The following PHACTR2 variants were observed in gnomAD, a reference collection of about 807,000 sequenced individuals.
PHACTR2 encodes the protein phosphatase and actin regulator 2, also known as chromosome 6 open reading frame 56.
A neutral mutation model predicts 76.0 loss-of-function variants in PHACTR2; 30 were observed. That is an observed-to-expected ratio of 0.39 (90% confidence interval 0.30 to 0.54). The LOEUF (loss-of-function observed/expected upper bound fraction) is 0.54. Among genes scored for constraint, PHACTR2 ranks in the 20% least tolerant of loss-of-function variants. The probability of loss-of-function intolerance (pLI) is 0.61; values close to 1 mark genes in which losing one functional copy is unlikely to be tolerated. For synonymous variants in PHACTR2, 292 were observed against 292.5 expected, an observed-to-expected ratio of 1.00 and a Z score of 0.02; for missense variants, 696 against 781.1, an observed-to-expected ratio of 0.89 and a Z score of 1.30.
rs57738495 is a variant in PHACTR2, at chr6:143,703,156, T to TAAA, written c.47-8841_47-8839dup. On this transcript the variant is annotated intron_variant, in intron 1 of 12. Coordinates refer to ENST00000440869, the MANE Select transcript of PHACTR2 (RefSeq NM_001100164.2). ...AAACCCTGTCTCTACAAAAAATTAC[T>TAAA]AAAAAAAAAAAAAAAAAAAAAGAAC... Among the ~76,000 whole-genome samples, 316 of 91,072 alleles carry TAAA rather than the reference T, an allele frequency of 3.5e-3. 1 individual carries two copies. The highest frequency in any genetic ancestry group is 6.8e-3 in the South Asian group (18 of 2,658). 59.7% of individuals were successfully genotyped at this position (91,072 alleles called of 152,430 possible). A position where few individuals can be genotyped will look rare whatever the true frequency, so the allele number is the denominator to read the frequency against.
chr6:143,762,130 C>T (rs1779456796), intron 5 of PHACTR2, among the ~76,000 whole-genome samples: 1 of 152,156 alleles, frequency 6.6e-6, no homozygotes, highest in Non-Finnish European at 1.5e-5. Context: ...CCTAGAAGCA[C>T]TGCTTAAAGT....
rs1462187718 is a variant in PHACTR2, at chr6:143,678,891, C to A, written c.46+682C>A. The stretch of plus-strand genomic sequence containing the variant: ...AGTTTCTTTTTTCCATTTTCTTAAA[C>A]AAAAAGAGGGAAGGAAGGTACGTCT... On this transcript the variant is annotated intron_variant, in intron 1 of 12. Coordinates refer to ENST00000440869, the MANE Select transcript of PHACTR2 (RefSeq NM_001100164.2). The surrounding 1 kb of genome is among the most constrained non-coding windows in gnomAD (Gnocchi z 6.2). Among the ~76,000 whole-genome samples, 3 of 146,696 alleles carry A rather than the reference C, an allele frequency of 2.0e-5. No homozygotes were observed. Among genetic ancestry groups the A allele is most frequent in the Non-Finnish European group, 4.5e-5 (3 of 66,938 alleles).
rs1272880321 is a variant in PHACTR2, at chr6:143,570,839, G to A, written c.217+33632G>A. Among the ~76,000 whole-genome samples, 2 of 151,988 alleles carry A rather than the reference G, an allele frequency of 1.3e-5. No individual in the cohort carries two copies. The highest frequency in any genetic ancestry group is 2.4e-5 in the African/African-American group (1 of 41,360). ...GCCGCTTTATTGCAAATCCCTCCCC[G>A]GACTCCTCCTCTTCTTCCAAAATTC... On this transcript the variant is annotated intron_variant, in intron 1 of 11. Coordinates refer to the PHACTR2 transcript ENST00000367584. This position sits in a 1 kb window ranked among gnomAD's most constrained non-coding sequence, Gnocchi z 4.6.
At chr6:143,644,431 G>A (rs1776621141) in intron 1 of PHACTR2, among the ~76,000 whole-genome samples, 1 of 136,536 alleles carries the variant, frequency 7.3e-6, no homozygotes, top group Non-Finnish European at 1.5e-5. Flanking sequence ...TCGCACCACT[G>A]CACTGCAGCC....
chr6:143,606,587 G>T (rs1352127967), upstream of PHACTR2, among the ~76,000 whole-genome samples: 1 of 152,082 alleles, frequency 6.6e-6, no homozygotes, highest in Non-Finnish European at 1.5e-5. Context: ...CCACATCTCA[G>T]CTTTGATGAT....
chr6:143,579,482 C>T (rs1308079347), intron 1 of PHACTR2, among the ~76,000 whole-genome samples: 1 of 151,732 alleles, frequency 6.6e-6, no homozygotes, highest in Non-Finnish European at 1.5e-5. Context: ...AGCAAATTGC[C>T]CTATTATGTG....
rs532029797 is a variant in PHACTR2 at position 143,818,237 on chromosome 6, A to G, written c.1923-5437A>G. Among the ~76,000 whole-genome samples the G allele has an allele frequency of 1.3e-5, 2 of 152,310 alleles. No homozygotes were observed. The highest frequency in any genetic ancestry group is 4.1e-4 in the South Asian group (2 of 4,826). On this transcript the variant is annotated intron_variant, in intron 12 of 12. Transcript: ENST00000440869. This position sits in a 1 kb window ranked among gnomAD's most constrained non-coding sequence, Gnocchi z 4.9. Reference sequence around the variant, plus strand: ...CATGCTACCCAGAGAACACCAGAAAATCACCCCTTCAAATAGAAGTACAGA... The same window carrying G: ...CATGCTACCCAGAGAACACCAGAAAGTCACCCCTTCAAATAGAAGTACAGA...
chr6:143,626,399 C>T (rs7754053), intron 1 of PHACTR2, among the ~76,000 whole-genome samples: 118,445 of 151,854 alleles, frequency 0.78, 46,754 homozygotes, highest in Middle Eastern at 0.89. Flanking sequence ...TAGCCGGGCG[C>T]GGTGGTGGGC....
Position 143,748,355 on chromosome 6 carries a change from C to T in PHACTR2, c.215-630C>T, listed in dbSNP as rs147572112. Among the ~76,000 whole-genome samples the T allele has an allele frequency of 1.5e-3, 226 of 152,326 alleles. 1 individual carries two copies. The East Asian group carries it at 0.02, about 14-fold the overall frequency. On this transcript the variant is annotated intron_variant, in intron 2 of 12. Transcript: ENST00000440869. The stretch of plus-strand genomic sequence containing the variant: ...TGCTAGGATTACAGGCATGAGCCAC[C>T]GTTCCTGGCTGAAAGCTGATTATTC...
chr6:143,583,502 G>A lies in PHACTR2; in HGVS notation c.217+46295G>A, dbSNP rs1775596358. ...AAAGCAGAGAGTCTGACAAGAATTT[G>A]AAAAAGGGTGTATAGAATACAAATA... On this transcript the variant is annotated intron_variant, in intron 1 of 11. Coordinates refer to the PHACTR2 transcript ENST00000367584. The surrounding 1 kb of genome is among the most constrained non-coding windows in gnomAD (Gnocchi z 4.0). Among the ~76,000 whole-genome samples, 1 of 152,120 alleles carries A rather than the reference G, an allele frequency of 6.6e-6. No homozygotes were observed. Among genetic ancestry groups the A allele is most frequent in the African/African-American group, 2.4e-5 (1 of 41,448 alleles).
At chr6:143,687,552 G>A (rs1053521580) in intron 1 of PHACTR2, among the ~76,000 whole-genome samples, 1 of 152,150 alleles carries the variant, frequency 6.6e-6, no homozygotes, top group East Asian at 1.9e-4. Flanking sequence ...CACAAAAGCA[G>A]GGGAACAAAA....
Position 143,754,139 on chromosome 6 carries a change from G to A in PHACTR2, c.454+227G>A, listed in dbSNP as rs948585739. 5 of 305,990 alleles carry A rather than the reference G, an allele frequency of 1.6e-5. No homozygotes were observed. Among genetic ancestry groups the A allele is most frequent in the Non-Finnish European group, 3.0e-5 (5 of 168,018 alleles). The allele number at this position is 305,990 out of a possible 1,614,324, so 19.0% of individuals were successfully genotyped here. On this transcript the variant is annotated intron_variant, in intron 4 of 12. Coordinates refer to ENST00000440869, the MANE Select transcript of PHACTR2 (RefSeq NM_001100164.2). The surrounding 1 kb of genome is among the most constrained non-coding windows in gnomAD (Gnocchi z 6.2). ...ATTTGTTTTTTCAATTATTAAAAAT[G>A]TTAATTAAAAGTAATAATCAGAAGG...
rs1376925237 is a variant in PHACTR2, at chr6:143,789,597, G to A, written c.1845+687G>A. Among the ~76,000 whole-genome samples the A allele has an allele frequency of 4.6e-5, 7 of 152,122 alleles. No individual in the cohort carries two copies. The highest frequency in any genetic ancestry group is 4.1e-4 in the South Asian group (2 of 4,832). The stretch of plus-strand genomic sequence containing the variant: ...CCATAGGCAAAGATTCGTGCCAACC[G>A]TTTGTTTTTAAATTGTTCTAATTTT... On this transcript the variant is annotated intron_variant, in intron 11 of 12. Coordinates refer to ENST00000440869, the MANE Select transcript of PHACTR2 (RefSeq NM_001100164.2). This position sits in a 1 kb window ranked among gnomAD's most constrained non-coding sequence, Gnocchi z 5.1.
At position 143,695,882 on chromosome 6, in the gene PHACTR2, G is replaced by A. The variant is rs139844061; in HGVS notation, c.47-16134G>A. Among the ~76,000 whole-genome samples, 1,299 of 152,228 alleles carry A rather than the reference G, an allele frequency of 8.5e-3. 21 individuals are homozygous for A. Among genetic ancestry groups the A allele is most frequent in the African/African-American group, 0.029 (1,190 of 41,532 alleles). On this transcript the variant is annotated intron_variant, in intron 1 of 12. Transcript: ENST00000440869. The surrounding 1 kb of genome is among the most constrained non-coding windows in gnomAD (Gnocchi z 4.4). ...GCAGCCGTAGCAACACATCTTATAC[G>A]GTGCAGGATTTTTAAAAACCAAAAG...
chr6:143,703,591 G>A (rs2474150), intron 1 of PHACTR2, among the ~76,000 whole-genome samples: 94,737 of 152,002 alleles, frequency 0.62, 29,818 homozygotes, highest in African/African-American at 0.71. Flanking sequence ...TTCACATTCT[G>A]TTCTTTTTCT....
chr6:143,735,145 G>A (rs1487875713), intron 2 of PHACTR2, among the ~76,000 whole-genome samples: 3 of 152,022 alleles, frequency 2.0e-5, no homozygotes, highest in African/African-American at 7.2e-5. Context: ...CTTTTTGTCC[G>A]AAGGTTTCTC....
chr6:143,713,907 C>T (rs1017503751), intron 2 of PHACTR2, among the ~76,000 whole-genome samples: 11 of 152,100 alleles, frequency 7.2e-5, no homozygotes, highest in Admixed American at 5.2e-4. Flanking sequence ...CCAGACGTAA[C>T]GTACGAAAAC....
chr6:143,566,172 C>T (rs1432622543), intron 1 of PHACTR2, among the ~76,000 whole-genome samples: 2 of 152,130 alleles, frequency 1.3e-5, no homozygotes, highest in African/African-American at 4.8e-5. Flanking sequence ...CTATGTTGCC[C>T]AAGCTGGCCT....
In PHACTR2 at chr6:143,618,256, AACACAC is replaced by A. The variant is rs66800720; in HGVS notation, c.13+9959_13+9964del. 2.1e-4 allele frequency among the ~76,000 whole-genome samples: 31 copies of A among 145,302 alleles called. No individual in the cohort carries two copies. The South Asian group carries it at 5.3e-3, about 25-fold the overall frequency. ...GTTCCACCTTGTACTTCCTGCTCCA[AACACAC>A]ACACACACACACACACACACACACG... On this transcript the variant is annotated intron_variant, in intron 1 of 11. Coordinates refer to the PHACTR2 transcript ENST00000305766. This position sits in a 1 kb window ranked among gnomAD's most constrained non-coding sequence, Gnocchi z 5.2.
Sources: allele counts gnomAD v4.1 joint callset (sites outside exome capture counted in the v4.1 genomes callset), GRCh38; gene constraint gnomAD v4.1.1; non-coding constraint Gnocchi (gnomAD v3.1); transcripts MANE v1.5; gene names NCBI Gene and HGNC (gene_info 2026-07-23, HGNC 2026-07-21).